The following NCKIPSD variants were observed in gnomAD, a reference collection of about 807,000 sequenced individuals.
NCKIPSD encodes the protein NCK interacting protein with SH3 domain.
In NCKIPSD, 48 loss-of-function variants were observed where a neutral mutation model predicts 73.4. The ratio of observed to expected loss-of-function variants is 0.65; its 90% CI spans 0.52 to 0.83. The LOEUF (loss-of-function observed/expected upper bound fraction) is 0.83, where lower values mean the gene tolerates loss of function less well. Ranked by LOEUF, NCKIPSD falls within the 40% of genes least tolerant of loss-of-function variation. NCKIPSD has a pLI of 0.00. For missense variants in NCKIPSD, 884 were observed against 970.2 expected (o/e 0.91, Z 1.18); for synonymous variants, 422 against 403.6 (o/e 1.05, Z -0.54).
Position 48,681,753 on chromosome 3 carries a change from C to A in NCKIPSD, c.626G>T (p.Gly209Val), listed in dbSNP as rs1269299034. 3.3e-6 allele frequency: 5 copies of A among 1,519,082 alleles called. No individual in the cohort carries two copies. Among genetic ancestry groups the A allele is most frequent in the South Asian group, 1.3e-5 (1 of 76,078 alleles). 94.1% of individuals were successfully genotyped at this position (1,519,082 alleles called of 1,614,324 possible). The change falls in exon 5 of 13, where the codon GGT becomes GTT. Residue 209 changes from glycine to valine, a missense_variant. Gly to Val is a moderately radical substitution (Grantham distance 109). Transcript: ENST00000294129. ...SGGHNTMPSG[G>V]NSVSSGSSVS... ...TGAGGAGCCGCTGGACACAGAGTTA[C>A]CCCCGGAGGGCATGGTGTTGTGGCC...
rs551668416 is a variant in NCKIPSD, at chr3:48,680,280, C to T, written c.1093-51G>A. The T allele has an allele frequency of 2.5e-5, 38 of 1,512,724 alleles. No individual in the cohort carries two copies. In the Admixed American group the frequency reaches 8.2e-4, roughly 33 times the overall value. The allele number at this position is 1,512,724 out of a possible 1,614,324, so 93.7% of individuals were successfully genotyped here. A position where few individuals can be genotyped will look rare whatever the true frequency, so the allele number is the denominator to read the frequency against. On this transcript the variant is annotated intron_variant, in intron 5 of 12. Transcript: ENST00000294129. ...TCAGCACACTCCCTGCCCTCACCATCTCCAGGGAGCCTCCAAGGCCTGGAG... is the reference window on the plus strand; with the variant it reads ...TCAGCACACTCCCTGCCCTCACCATTTCCAGGGAGCCTCCAAGGCCTGGAG...
At position 48,685,747 on chromosome 3, in the gene NCKIPSD, C is replaced by G; in HGVS notation, c.61G>C (p.Gly21Arg). 2 of 1,532,432 alleles carry G rather than the reference C, an allele frequency of 1.3e-6. No individual in the cohort carries two copies. Among genetic ancestry groups the G allele is most frequent in the Non-Finnish European group, 1.7e-6 (2 of 1,147,942 alleles). 94.9% of individuals were successfully genotyped at this position (1,532,432 alleles called of 1,614,324 possible). A position where few individuals can be genotyped will look rare whatever the true frequency, so the allele number is the denominator to read the frequency against. ...AEPNALAFAA[G>R]ETFLVLERSS... ...CGCTCTAGCACCAGGAAGGTCTCGCCCGCGGCGAACGCCAGCGCGTTGGGC... is the reference window on the plus strand; with the variant it reads ...CGCTCTAGCACCAGGAAGGTCTCGCGCGCGGCGAACGCCAGCGCGTTGGGC... The change falls in exon 1 of 13, where the codon GGC becomes CGC. Residue 21 changes from glycine (G) to arginine (R), a missense_variant. Gly to Arg is a moderately radical substitution (Grantham distance 125). Transcript: ENST00000294129.
At chr3:48,677,451 T>C (rs2077273037) in intron 12 of NCKIPSD, among the ~76,000 whole-genome samples, 1 of 152,054 alleles carries the variant, frequency 6.6e-6, no homozygotes, top group African/African-American at 2.4e-5. Flanking sequence ...GTCATCTCTC[T>C]CCAGCAACCT....
At chr3:48,679,303 G>A in intron 9 of NCKIPSD, 74 bp downstream of exon 9, 5 of 1,612,102 alleles carry the variant, frequency 3.1e-6, no homozygotes, top group Non-Finnish European at 8.5e-7. Flanking sequence ...TGTGTAGTCA[G>A]CAGGTCCCAG....
intron 12 of NCKIPSD, 103 bp downstream of exon 12, chr3:48,678,461 A>G (rs1222199963): frequency 2.1e-6 from 3 of 1,397,330 alleles, no homozygotes; most frequent in Non-Finnish European, 2.9e-6. Flanking sequence ...ACCTGGCTCC[A>G]GCAGTGGCCT....
Position 48,674,256 on chromosome 3 carries a change from G to A in NCKIPSD, c.*288C>T, listed in dbSNP as rs1309156384. On this transcript the variant is annotated 3_prime_UTR_variant, in exon 13 of 13. Transcript: ENST00000294129. ...CTGGAGCGGCAGCAGGACTCTGAGT[G>A]TACACATGGGTGTGGGGTGAAGAGG... The A allele has an allele frequency of 1.5e-6, 2 of 1,309,240 alleles. No homozygotes were observed. The highest frequency in any genetic ancestry group is 2.0e-6 in the Non-Finnish European group (2 of 1,020,018). The allele number at this position is 1,309,240 out of a possible 1,614,324, so 81.1% of individuals were successfully genotyped here.
At position 48,681,014 on chromosome 3, in the gene NCKIPSD, C is replaced by T. The variant is rs779799674; in HGVS notation, c.1092+273G>A. On this transcript the variant is annotated intron_variant, in intron 5 of 12. Transcript: ENST00000294129. ...TCCTCCTACAGCACCCACTCCCTCA[C>T]TCCCTGTGTTCCAGTCCTGCAGGCC... Among the ~76,000 whole-genome samples, 129 of 152,346 alleles carry T rather than the reference C, an allele frequency of 8.5e-4. 1 individual carries two copies. The highest frequency in any genetic ancestry group is 3.4e-3 in the Middle Eastern group (1 of 294).
At position 48,679,447 on chromosome 3, in the gene NCKIPSD, T is replaced by C; in HGVS notation, c.1500A>G (p.Lys500=). The C allele has an allele frequency of 6.2e-7, 1 of 1,612,346 alleles. No homozygotes were observed. Residue 500 remains lysine, a synonymous_variant, in exon 9 of 13, where the codon AAA becomes AAG. Transcript: ENST00000294129. The part of the protein sequence containing the change: ...DMQTDTQDHQ[K]LCYSALILAM... ...CCAGGATGAGGGCAGAGTAACAGAG[T>C]TTCTGGTGGTCTGGGGGGGACAAGG...
At chr3:48,683,963 G>C (rs1011023313) in intron 1 of NCKIPSD, among the ~76,000 whole-genome samples, 2 of 149,476 alleles carry the variant, frequency 1.3e-5, no homozygotes, top group African/African-American at 5.0e-5. Context: ...GAGACAGGGG[G>C]ATAGAAAGAC....
chr3:48,674,664 C>T lies in NCKIPSD; in HGVS notation c.2049G>A (p.Leu683=). 1 of 1,614,054 alleles carries T rather than the reference C, an allele frequency of 6.2e-7. No homozygotes were observed. The highest frequency in any genetic ancestry group is 8.5e-7 in the Non-Finnish European group (1 of 1,179,984). ...TCAGGATGCGTCGCAGTATGGCCTG[C>T]AGGTCGGGTAGCCGGTGGCGGTGCT... The part of the protein sequence containing the change: ...YLQHRHRLPD[L]QAILRRILNE... The change falls in exon 13 of 13, where the codon CTG becomes CTA. Residue 683 remains leucine, a synonymous_variant. Transcript: ENST00000294129.
At chr3:48,681,815 C>A (rs1488993081) in intron 4 of NCKIPSD, 35 bp from the exon 5 acceptor site, 2 of 1,464,200 alleles carry the variant, frequency 1.4e-6, no homozygotes, top group African/African-American at 1.4e-5. Flanking sequence ...GCCAGGGCAG[C>A]CCCCTGGAAA....
Position 48,681,395 on chromosome 3 carries a change from G to A in NCKIPSD, c.984C>T (p.His328=), listed in dbSNP as rs1049691860. ...ELVRRNTGLS[H]ELCRVAIGII... The stretch of plus-strand genomic sequence containing the variant: ...TGCCGATGGCCACCCGGCATAATTC[G>A]TGGCTCAGGCCAGTGTTTCTCCGCA... The change falls in exon 5 of 13, where the codon CAC becomes CAT. Residue 328 remains histidine, a synonymous_variant. Coordinates refer to ENST00000294129, the MANE Select transcript of NCKIPSD (RefSeq NM_016453.4). 11 of 1,612,422 alleles carry A rather than the reference G, an allele frequency of 6.8e-6. No individual in the cohort carries two copies. The highest frequency in any genetic ancestry group is 6.7e-5 in the African/African-American group (5 of 74,894).
At chr3:48,682,576 T>C (rs763737012) in intron 2 of NCKIPSD, 24 bp from the exon 3 acceptor site, 23 of 1,610,586 alleles carry the variant, frequency 1.4e-5, no homozygotes, top group East Asian at 2.2e-5. Context: ...AGGAAGACTA[T>C]TGGGGGGTTG....
intron 4 of NCKIPSD, 72 bp from the exon 5 acceptor site, chr3:48,681,852 CT>C (rs2077358651): frequency 3.4e-6 from 5 of 1,459,926 alleles, no homozygotes; most frequent in African/African-American, 2.8e-5. Flanking sequence ...CCCAGATCCC[CT>C]GTCCCCTAAC....
chr3:48,685,826 T>A lies in NCKIPSD; in HGVS notation c.-19A>T. ...GGTACATGAGGCCGGGCAGGGCAGG[T>A]GCAGGGAAGGTGGCAAGGGCTGCGG... is the stretch of plus-strand genomic sequence containing the variant. On this transcript the variant is annotated 5_prime_UTR_variant, in exon 1 of 13. Transcript: ENST00000294129. 7.0e-7 allele frequency: 1 copy of A among 1,422,340 alleles called. No individual in the cohort carries two copies. The highest frequency in any genetic ancestry group is 2.1e-4 in the Middle Eastern group (1 of 4,812). 88.1% of individuals were successfully genotyped at this position (1,422,340 alleles called of 1,614,324 possible).
At chr3:48,682,654 GACAT>G in intron 2 of NCKIPSD, 102 bp from the exon 3 acceptor site, 1 of 1,344,054 alleles carries the variant, frequency 7.4e-7, no homozygotes, top group Non-Finnish European at 1.0e-6. Context: ...AGGCCCCTCA[GACAT>G]CCCCATCTCC....
chr3:48,675,534 T>TATATC (rs1021805384), intron 12 of NCKIPSD, among the ~76,000 whole-genome samples: 15 of 141,002 alleles, frequency 1.1e-4, no homozygotes, highest in African/African-American at 3.8e-4. Flanking sequence ...ATATGATATA[T>TATATC]ATATATATAT....
chr3:48,684,433 T>TG (rs1464591267), intron 1 of NCKIPSD, among the ~76,000 whole-genome samples: 3 of 152,064 alleles, frequency 2.0e-5, no homozygotes, highest in Admixed American at 2.0e-4. Flanking sequence ...AGCCATGGTG[T>TG]CCACGGCCCC....
intron 5 of NCKIPSD, 170 bp downstream of exon 5, chr3:48,681,117 C>T: frequency 9.3e-7 from 1 of 1,075,290 alleles, no homozygotes; most frequent in Non-Finnish European, 1.3e-6. Context: ...GCCTGGAATG[C>T]TTGTCCTTCC....
Sources: allele counts gnomAD v4.1 joint callset (sites outside exome capture counted in the v4.1 genomes callset), GRCh38; gene constraint gnomAD v4.1.1; transcripts MANE v1.5; gene names NCBI Gene and HGNC (gene_info 2026-07-23, HGNC 2026-07-21).